NDUFAF2: variants seen among roughly 807,000 people sequenced by gnomAD.
NDUFAF2 encodes NADH:ubiquinone oxidoreductase complex assembly factor 2, also known as NADH dehydrogenase [ubiquinone] 1 alpha subcomplex assembly factor 2.
Under a neutral mutation model 22.8 loss-of-function variants are expected in NDUFAF2, and 13 were observed. That is an observed-to-expected ratio of 0.57 (90% CI 0.37 to 0.91). The LOEUF (loss-of-function observed/expected upper bound fraction) is 0.91, where lower values mean the gene tolerates loss of function less well. NDUFAF2 is among the 40% of genes least tolerant of loss of function. The pLI is 0.01. For missense variants in NDUFAF2, 162 were observed against 195.2 expected, an observed-to-expected ratio of 0.83 and a Z score of 1.01; for synonymous variants, 53 against 64.2, an observed-to-expected ratio of 0.83 and a Z score of 0.84.
intron 1 of NDUFAF2, among the ~76,000 whole-genome samples, chr5:61,028,389 C>T (rs1751680999): frequency 6.6e-6 from 1 of 151,978 alleles, no homozygotes; most frequent in South Asian, 2.1e-4. Flanking sequence ...TTTCTATATT[C>T]ATATACAGAT....
chr5:60,981,351 A>G (rs1750975048), intron 1 of NDUFAF2, among the ~76,000 whole-genome samples: 1 of 152,202 alleles, frequency 6.6e-6, no homozygotes, highest in South Asian at 2.1e-4. Flanking sequence ...TGTCCTTCAA[A>G]CATAAAGGAG....
intron 1 of NDUFAF2, among the ~76,000 whole-genome samples, chr5:61,049,389 G>T (rs1400196898): frequency 6.6e-6 from 1 of 152,092 alleles, no homozygotes; most frequent in Non-Finnish European, 1.5e-5. Context: ...GAAATTTGAA[G>T]AATTATCAGA....
intron 3 of NDUFAF2, among the ~76,000 whole-genome samples, chr5:61,136,253 A>G (rs1207192497): frequency 6.6e-6 from 1 of 151,648 alleles, no homozygotes; most frequent in Non-Finnish European, 1.5e-5. Flanking sequence ...TAGGTTTTCA[A>G]AAGGAGTAGG....
intron 3 of NDUFAF2, among the ~76,000 whole-genome samples, chr5:61,150,749 A>AC (rs1319188405): frequency 1.3e-5 from 2 of 152,108 alleles, no homozygotes; most frequent in Non-Finnish European, 2.9e-5. Context: ...TGGAAGTTTA[A>AC]CCTGGTCCTG....
At chr5:61,138,103 C>T (rs1055099335) in intron 3 of NDUFAF2, among the ~76,000 whole-genome samples, 8 of 152,240 alleles carry the variant, frequency 5.3e-5, no homozygotes, top group Non-Finnish European at 8.8e-5. Context: ...GGAAGCAAGT[C>T]CTTCCTTGAA....
chr5:60,977,631 T>C (rs1055744685), intron 1 of NDUFAF2, among the ~76,000 whole-genome samples: 9 of 150,754 alleles, frequency 6.0e-5, no homozygotes, highest in Middle Eastern at 6.8e-3. Flanking sequence ...AGGCCAGGAG[T>C]TAAAAGATCA....
chr5:61,067,344 G>A (rs932371089), intron 1 of NDUFAF2, among the ~76,000 whole-genome samples: 1 of 140,676 alleles, frequency 7.1e-6, no homozygotes, highest in Non-Finnish European at 1.5e-5. Flanking sequence ...AGTGTGTGGT[G>A]TTCCCCTTCC....
chr5:60,945,594 G>C (rs947423918), intron 1 of NDUFAF2, among the ~76,000 whole-genome samples: 10 of 152,206 alleles, frequency 6.6e-5, no homozygotes, highest in African/African-American at 2.2e-4. Context: ...GCCCGGCCTC[G>C]TGCGTCCGCG....
intron 1 of NDUFAF2, among the ~76,000 whole-genome samples, chr5:61,029,137 G>T (rs1751692754): frequency 6.6e-6 from 1 of 152,046 alleles, no homozygotes; most frequent in African/African-American, 2.4e-5. Context: ...CAAGGTAGAT[G>T]GTCTAGGTAA....
chr5:61,040,402 G>A (rs1291565140), intron 1 of NDUFAF2, among the ~76,000 whole-genome samples: 1 of 151,962 alleles, frequency 6.6e-6, no homozygotes, highest in Non-Finnish European at 1.5e-5. Flanking sequence ...AGCCTTCAGA[G>A]GACCCTCCCT....
At chr5:61,096,771 G>A (rs528435762) in intron 2 of NDUFAF2, among the ~76,000 whole-genome samples, 11 of 150,256 alleles carry the variant, frequency 7.3e-5, no homozygotes, top group African/African-American at 2.5e-4. Flanking sequence ...CAAGACCAGC[G>A]TGGCCAACAT....
chr5:61,070,876 T>G (rs1306302150), intron 1 of NDUFAF2, among the ~76,000 whole-genome samples: 1 of 151,982 alleles, frequency 6.6e-6, no homozygotes, highest in East Asian at 1.9e-4. Context: ...GAGGATCCCA[T>G]GTATTTGCAT....
chr5:61,092,486 A>T (rs2080870), intron 2 of NDUFAF2, among the ~76,000 whole-genome samples: 116,612 of 151,990 alleles, frequency 0.77, 45,020 homozygotes, highest in East Asian at 1. Context: ...AATGGGAGTT[A>T]GTTTGTAATT....
At chr5:61,074,509 C>T (rs1192038590) in intron 2 of NDUFAF2, among the ~76,000 whole-genome samples, 1 of 152,234 alleles carries the variant, frequency 6.6e-6, no homozygotes, top group Non-Finnish European at 1.5e-5. Flanking sequence ...ATCACTTGAA[C>T]CCGGGGGGCA....
intron 1 of NDUFAF2, among the ~76,000 whole-genome samples, chr5:61,001,162 A>G (rs1390586917): frequency 6.6e-6 from 1 of 152,092 alleles, no homozygotes; most frequent in Non-Finnish European, 1.5e-5. Flanking sequence ...CCCTTTCCCA[A>G]TTACCTTCTA....
intron 1 of NDUFAF2, among the ~76,000 whole-genome samples, chr5:60,985,761 A>C (rs981156591): frequency 2.6e-5 from 4 of 152,150 alleles, no homozygotes; most frequent in Non-Finnish European, 5.9e-5. Flanking sequence ...AGATCTCAGG[A>C]GACTCATTCA....
At chr5:61,038,391 G>T (rs1172131510) in intron 1 of NDUFAF2, among the ~76,000 whole-genome samples, 2 of 152,144 alleles carry the variant, frequency 1.3e-5, no homozygotes, top group Admixed American at 6.5e-5. Context: ...GAAGAGCTGT[G>T]TTCTGACCAA....
chr5:61,121,473 T>G (rs1056647021), intron 3 of NDUFAF2, among the ~76,000 whole-genome samples: 2 of 152,162 alleles, frequency 1.3e-5, no homozygotes, highest in African/African-American at 4.8e-5. Context: ...AAAGGCTTAC[T>G]GGGAGTACTT....
At chr5:61,027,054 ATTATAT>A (rs1182506949) in intron 1 of NDUFAF2, among the ~76,000 whole-genome samples, 12 of 151,594 alleles carry the variant, frequency 7.9e-5, no homozygotes, top group Non-Finnish European at 2.9e-5. Flanking sequence ...ATTAAGAAAA[ATTATAT>A]TTAATTTAAT....
Sources: allele counts gnomAD v4.1 joint callset (sites outside exome capture counted in the v4.1 genomes callset), GRCh38; gene constraint gnomAD v4.1.1; transcripts MANE v1.5; gene names NCBI Gene and HGNC (gene_info 2026-07-23, HGNC 2026-07-21).